UBE2R2: variants seen among roughly 807,000 people sequenced by gnomAD.
UBE2R2 encodes ubiquitin-conjugating enzyme E2 R2.
UBE2R2 carries 1 observed loss-of-function variant against 27.8 expected under a neutral mutation model. That is an observed-to-expected ratio of 0.04 (90% confidence interval 0.01 to 0.17). The LOEUF (loss-of-function observed/expected upper bound fraction) is 0.17. Among genes scored for constraint, UBE2R2 ranks in the 10% least tolerant of loss-of-function variants. The pLI is 1.00. For missense variants in UBE2R2, 100 were observed against 291.0 expected, an observed-to-expected ratio of 0.34 and a Z score of 4.78; for synonymous variants, 106 against 113.3, an observed-to-expected ratio of 0.94 and a Z score of 0.41.
rs1248307316 is a variant in UBE2R2, at chr9:33,817,701, G to C, written c.-57G>C. 2.1e-5 allele frequency: 29 copies of C among 1,349,148 alleles called. No individual in the cohort carries two copies. Among genetic ancestry groups the C allele is most frequent in the Non-Finnish European group, 2.6e-5 (27 of 1,052,208 alleles). The allele number at this position is 1,349,148 out of a possible 1,614,324, so 83.6% of individuals were successfully genotyped here. ...GAGGGGAGGGGCCTGGTCCGGCCCG[G>C]CCGGTGCGTGAGGACTGGGGCCCGG... is the stretch of plus-strand genomic sequence containing the variant. On this transcript the variant is annotated 5_prime_UTR_variant, in exon 1 of 5. Transcript: ENST00000263228.
At chr9:33,902,244 C>T (rs1416633743) in intron 3 of UBE2R2, among the ~76,000 whole-genome samples, 3 of 152,082 alleles carry the variant, frequency 2.0e-5, no homozygotes, top group African/African-American at 4.8e-5. Context: ...AAGATGGGGT[C>T]TCACCATGTT....
chr9:33,858,015 A>G (rs1266709337), intron 1 of UBE2R2, among the ~76,000 whole-genome samples: 1 of 152,176 alleles, frequency 6.6e-6, no homozygotes, highest in African/African-American at 2.4e-5. Context: ...TTTATGAGGC[A>G]CCAGTTTCTC....
chr9:33,858,871 G>C (rs1821163252), intron 1 of UBE2R2, among the ~76,000 whole-genome samples: 1 of 151,982 alleles, frequency 6.6e-6, no homozygotes, highest in African/African-American at 2.4e-5. Context: ...GTTGCCCAGG[G>C]TGGAGTGCAG....
At chr9:33,846,136 A>AC (rs944909611) in intron 1 of UBE2R2, among the ~76,000 whole-genome samples, 3 of 151,102 alleles carry the variant, frequency 2.0e-5, no homozygotes, top group African/African-American at 7.3e-5. Flanking sequence ...AAAAAAAAAA[A>AC]AATACAAAAA....
chr9:33,859,835 T>C (rs1821189870), intron 1 of UBE2R2, among the ~76,000 whole-genome samples: 1 of 151,060 alleles, frequency 6.6e-6, no homozygotes, highest in Admixed American at 6.6e-5. Context: ...AGGATCTCTC[T>C]CTATGACCAG....
intron 1 of UBE2R2, among the ~76,000 whole-genome samples, chr9:33,833,568 G>GAA (rs879297928): frequency 6.6e-6 from 1 of 151,964 alleles, no homozygotes; most frequent in Admixed American, 6.6e-5. Context: ...AAGATTATAT[G>GAA]AAAAGAAGGA....
chr9:33,912,182 C>A (rs1258898671), intron 4 of UBE2R2, 84 bp downstream of exon 4: 3 of 1,164,230 alleles, frequency 2.6e-6, no homozygotes, highest in Non-Finnish European at 3.6e-6. Context: ...ACTTAAATAT[C>A]CTGTCCATTC....
chr9:33,818,201 A>G (rs1825866219), intron 1 of UBE2R2, among the ~76,000 whole-genome samples: 1 of 151,918 alleles, frequency 6.6e-6, no homozygotes, highest in Non-Finnish European at 1.5e-5. Flanking sequence ...GGTAGTGTCT[A>G]CGGGCGGAGG....
At chr9:33,852,071 G>A (rs1316194688) in intron 1 of UBE2R2, among the ~76,000 whole-genome samples, 1 of 152,090 alleles carries the variant, frequency 6.6e-6, no homozygotes, top group Non-Finnish European at 1.5e-5. Flanking sequence ...CAGCACTTTG[G>A]GAGGGTGAGG....
At position 33,829,277 on chromosome 9, in the gene UBE2R2, ATTTCT is replaced by A. The variant is rs1394637426; in HGVS notation, c.177+11346_177+11350del. On this transcript the variant is annotated intron_variant, in intron 1 of 4. Coordinates refer to ENST00000263228, the MANE Select transcript of UBE2R2 (RefSeq NM_017811.4). ...AGAAAGGCTTTTTATTAGCAAATTG[ATTTCT>A]TTAATAGCAACTTTAACATTAAGGG... 2.6e-5 allele frequency among the ~76,000 whole-genome samples: 4 copies of A among 152,314 alleles called. No individual in the cohort carries two copies. In the East Asian group the frequency reaches 5.8e-4, roughly 22 times the overall value.
chr9:33,909,080 C>G (rs542189814), intron 3 of UBE2R2, among the ~76,000 whole-genome samples: 3 of 152,246 alleles, frequency 2.0e-5, no homozygotes, highest in South Asian at 4.1e-4. Context: ...TGCTTAGTAG[C>G]TGCATGTGGC....
intron 1 of UBE2R2, among the ~76,000 whole-genome samples, chr9:33,877,873 A>G (rs962162395): frequency 5.0e-4 from 50 of 99,616 alleles, no homozygotes; most frequent in African/African-American, 2.1e-3. Flanking sequence ...GTCTTTCCTC[A>G]GCCTCCTGAA....
intron 2 of UBE2R2, among the ~76,000 whole-genome samples, chr9:33,899,778 G>C (rs751805405): frequency 6.6e-6 from 1 of 152,180 alleles, no homozygotes; most frequent in Non-Finnish European, 1.5e-5. Context: ...GATTACAGGC[G>C]TGAGACACCG....
chr9:33,865,769 G>GT (rs1212120304), intron 1 of UBE2R2, among the ~76,000 whole-genome samples: 4 of 148,276 alleles, frequency 2.7e-5, no homozygotes, highest in Non-Finnish European at 6.0e-5. Flanking sequence ...GTAGTGTTTT[G>GT]TTTTTTGTTT....
At chr9:33,868,303 GA>G (rs527380568) in intron 1 of UBE2R2, among the ~76,000 whole-genome samples, 60 of 152,114 alleles carry the variant, frequency 3.9e-4, no homozygotes, top group Admixed American at 7.9e-4. Context: ...CATTTGGGCT[GA>G]AAAATAGGGT....
chr9:33,910,606 C>G (rs1341888376), intron 3 of UBE2R2, among the ~76,000 whole-genome samples: 1 of 152,240 alleles, frequency 6.6e-6, no homozygotes, highest in Non-Finnish European at 1.5e-5. Context: ...CATCCAGCAT[C>G]TCACTTGGTG....
intron 1 of UBE2R2, among the ~76,000 whole-genome samples, chr9:33,842,085 G>C (rs1820744325): frequency 6.6e-6 from 1 of 152,074 alleles, no homozygotes; most frequent in African/African-American, 2.4e-5. Flanking sequence ...AATTTTTGCA[G>C]GCCCGGAGGC....
At chr9:33,875,936 T>C (rs1821593300) in intron 1 of UBE2R2, among the ~76,000 whole-genome samples, 1 of 152,248 alleles carries the variant, frequency 6.6e-6, no homozygotes, top group Non-Finnish European at 1.5e-5. Context: ...AAGTTATATC[T>C]TATTTCATAA....
chr9:33,893,231 G>C (rs564367974), intron 2 of UBE2R2, among the ~76,000 whole-genome samples: 69 of 152,188 alleles, frequency 4.5e-4, no homozygotes, highest in African/African-American at 1.6e-3. Flanking sequence ...CCGTTCCCAT[G>C]TTCCCTCAAT....
Sources: allele counts gnomAD v4.1 joint callset (sites outside exome capture counted in the v4.1 genomes callset), GRCh38; gene constraint gnomAD v4.1.1; transcripts MANE v1.5; gene names NCBI Gene and HGNC (gene_info 2026-07-23, HGNC 2026-07-21).